The following SUZ12 variants were observed in gnomAD, a reference collection of about 807,000 sequenced individuals.
SUZ12 encodes SUZ12 polycomb repressive complex 2 subunit.
In SUZ12, 17 loss-of-function variants were observed where a neutral mutation model predicts 87.3. That is an observed-to-expected ratio of 0.19 (90% CI 0.13 to 0.29). The LOEUF (loss-of-function observed/expected upper bound fraction) is 0.29, where lower values mean the gene tolerates loss of function less well. SUZ12 is among the 10% of genes least tolerant of loss of function. The pLI is 1.00. For synonymous variants in SUZ12, 253 were observed against 312.4 expected (o/e 0.81, Z 2.01); for missense variants, 526 against 912.2 (o/e 0.58, Z 5.45).
chr17:31,993,372 G>A (rs761679194), intron 11 of SUZ12, 39 bp downstream of exon 11: 7 of 1,322,506 alleles, frequency 5.3e-6, no homozygotes, highest in Non-Finnish European at 5.3e-6. Flanking sequence ...ATTATGAAAT[G>A]TATTTGTTTT....
intron 4 of SUZ12, among the ~76,000 whole-genome samples, chr17:31,964,237 G>C (rs957612249): frequency 6.6e-6 from 1 of 151,910 alleles, no homozygotes; most frequent in Non-Finnish European, 1.5e-5. Context: ...GTGTTAGCCA[G>C]GATAGTCTTC....
intron 4 of SUZ12, among the ~76,000 whole-genome samples, chr17:31,955,815 C>CT (rs541333564): frequency 1.4e-3 from 207 of 152,204 alleles, no homozygotes; most frequent in African/African-American, 4.6e-3. Context: ...CTTCTGGCCT[C>CT]TAACAGTCCT....
At position 32,000,478 on chromosome 17, in the gene SUZ12, A is replaced by G. The variant is rs551274913; in HGVS notation, c.*1475A>G. On this transcript the variant is annotated 3_prime_UTR_variant, in exon 16 of 16. Coordinates refer to ENST00000322652, the MANE Select transcript of SUZ12 (RefSeq NM_015355.4). The stretch of plus-strand genomic sequence containing the variant: ...TCATTGATTTTTGTGTTTAAAAAAA[A>G]ATAGGAAAGAGGGAAACTGCAGCTT... 1.1e-4 allele frequency: 25 copies of G among 232,600 alleles called. No homozygotes were observed. In the East Asian group the frequency reaches 1.5e-3, roughly 14 times the overall value. 14.4% of individuals were successfully genotyped at this position (232,600 alleles called of 1,614,324 possible).
At chr17:31,946,663 A>C (rs917464939) in intron 3 of SUZ12, among the ~76,000 whole-genome samples, 1 of 152,238 alleles carries the variant, frequency 6.6e-6, no homozygotes, top group East Asian at 1.9e-4. Flanking sequence ...TGGCTTTTCA[A>C]GTCCTAAAGA....
In SUZ12 at chr17:31,956,946, T is replaced by C. The variant is rs1598157202; in HGVS notation, c.456-9201T>C. On this transcript the variant is annotated intron_variant, in intron 4 of 15. Transcript: ENST00000322652. ...ATGTGCCACCACGCCCAGCTAATGTTTGTATTTTTAGTAGAGACTAGTTTT... is the reference window on the plus strand; with the variant it reads ...ATGTGCCACCACGCCCAGCTAATGTCTGTATTTTTAGTAGAGACTAGTTTT... 2.0e-5 allele frequency among the ~76,000 whole-genome samples: 3 copies of C among 152,232 alleles called. No homozygotes were observed. In the South Asian group the frequency reaches 6.2e-4, roughly 32 times the overall value.
Position 31,937,055 on chromosome 17 carries a change from C to T in SUZ12, c.-192C>T, listed in dbSNP as rs372652528. 8.3e-6 allele frequency: 4 copies of T among 483,182 alleles called. No individual in the cohort carries two copies. Among genetic ancestry groups the T allele is most frequent in the African/African-American group, 4.1e-5 (2 of 49,300 alleles). 29.9% of individuals were successfully genotyped at this position (483,182 alleles called of 1,614,324 possible). On this transcript the variant is annotated 5_prime_UTR_variant, in exon 1 of 16. Transcript: ENST00000322652. The stretch of plus-strand genomic sequence containing the variant: ...GCGGCCTCCGAAGCGGAGCGGGGCT[C>T]TGAGGAGACACTTTTTTTTTCCTCC...
At chr17:31,977,752 G>A (rs1210660643) in intron 8 of SUZ12, among the ~76,000 whole-genome samples, 4 of 152,056 alleles carry the variant, frequency 2.6e-5, no homozygotes, top group South Asian at 2.1e-4. Flanking sequence ...AGCCAGGCAC[G>A]GTGGCGTGTG....
intron 4 of SUZ12, 157 bp from the exon 5 acceptor site, chr17:31,965,990 C>A: frequency 1.7e-6 from 1 of 579,394 alleles, no homozygotes. Context: ...TCATATTTAA[C>A]AGGGAAAGCA....
chr17:31,963,094 T>C (rs1200644475), intron 4 of SUZ12, among the ~76,000 whole-genome samples: 1 of 152,252 alleles, frequency 6.6e-6, no homozygotes. Context: ...GTTTATAATA[T>C]ATGAATTGCT....
At chr17:31,974,100 G>T (rs977297470) in intron 6 of SUZ12, among the ~76,000 whole-genome samples, 1 of 152,036 alleles carries the variant, frequency 6.6e-6, no homozygotes, top group African/African-American at 2.4e-5. Flanking sequence ...GCCTGTGCCT[G>T]TAGTCCCAGC....
intron 5 of SUZ12, among the ~76,000 whole-genome samples, chr17:31,972,791 C>CTGA (rs1214472037): frequency 2.7e-5 from 4 of 149,778 alleles, no homozygotes; most frequent in Non-Finnish European, 5.9e-5. Context: ...GGCTGCCGTG[C>CTGA]TGATGTGTGA....
At chr17:31,992,816 T>G (rs1024710140) in intron 10 of SUZ12, among the ~76,000 whole-genome samples, 1 of 152,038 alleles carries the variant, frequency 6.6e-6, no homozygotes, top group African/African-American at 2.4e-5. Context: ...CAAGCAATTC[T>G]GCTTCCGCCT....
chr17:31,960,663 C>A (rs1050072687), intron 4 of SUZ12, among the ~76,000 whole-genome samples: 2 of 152,184 alleles, frequency 1.3e-5, no homozygotes, highest in African/African-American at 4.8e-5. Context: ...CTGCAACGTC[C>A]GCCTCCCAGG....
chr17:31,976,635 A>G lies in SUZ12; in HGVS notation c.917+21A>G, dbSNP rs899372894. The G allele has an allele frequency of 6.5e-6, 10 of 1,530,568 alleles. No homozygotes were observed. In the African/African-American group the frequency reaches 9.6e-5, roughly 15 times the overall value. The allele number at this position is 1,530,568 out of a possible 1,614,324, so 94.8% of individuals were successfully genotyped here. ...AACAGGTAATGTTGATGAACAAGTGAGGCTCCCACAATGTTCTGGAAATGT... is the reference window on the plus strand; with the variant it reads ...AACAGGTAATGTTGATGAACAAGTGGGGCTCCCACAATGTTCTGGAAATGT... On this transcript the variant is annotated intron_variant, in intron 8 of 15. Transcript: ENST00000322652.
At chr17:31,947,495 TTTATC>T (rs1189889971) in intron 3 of SUZ12, 117 bp from the exon 4 acceptor site, 4 of 1,280,914 alleles carry the variant, frequency 3.1e-6, no homozygotes, top group Non-Finnish European at 4.3e-6. Flanking sequence ...TCATCCATAA[TTTATC>T]TTACTAAAAA....
At chr17:31,947,012 A>G (rs1362516504) in intron 3 of SUZ12, among the ~76,000 whole-genome samples, 1 of 152,180 alleles carries the variant, frequency 6.6e-6, no homozygotes, top group Non-Finnish European at 1.5e-5. Flanking sequence ...TTTGCTGATA[A>G]TCTTTGAGGA....
chr17:31,945,223 C>T (rs1371472421), intron 3 of SUZ12, among the ~76,000 whole-genome samples: 1 of 152,112 alleles, frequency 6.6e-6, no homozygotes, highest in Non-Finnish European at 1.5e-5. Context: ...AGATTTAGCC[C>T]AGTGATTGTC....
At chr17:31,952,858 T>C (rs962236803) in intron 4 of SUZ12, among the ~76,000 whole-genome samples, 21 of 152,166 alleles carry the variant, frequency 1.4e-4, no homozygotes, top group African/African-American at 5.1e-4. Flanking sequence ...GCACCGTGCC[T>C]GTCCCCAATG....
chr17:31,989,765 A>ATTTTTTTTTTTTTTTT (rs568524946), intron 10 of SUZ12, among the ~76,000 whole-genome samples: 5 of 129,856 alleles, frequency 3.9e-5, no homozygotes, highest in South Asian at 2.5e-4. Context: ...CGACCAGCTA[A>ATTTTTTTTTTTTTTTT]TTTTTTTTTT....
Sources: allele counts gnomAD v4.1 joint callset (sites outside exome capture counted in the v4.1 genomes callset), GRCh38; gene constraint gnomAD v4.1.1; transcripts MANE v1.5; gene names NCBI Gene and HGNC (gene_info 2026-07-23, HGNC 2026-07-21).